Variants in CMTM8 observed in about 807,000 individuals in gnomAD.
The protein encoded by CMTM8 is CKLF-like MARVEL transmembrane domain-containing protein 8.
A neutral mutation model predicts 18.6 loss-of-function variants in CMTM8; 12 were observed. That is an observed-to-expected ratio of 0.65 (90% CI 0.41 to 1.05). The LOEUF (loss-of-function observed/expected upper bound fraction) is 1.05, where lower values mean the gene tolerates loss of function less well. Ranked by LOEUF, CMTM8 falls within the 50% of genes least tolerant of loss-of-function variation. The pLI is 0.00. For synonymous variants in CMTM8, 87 were observed against 90.6 expected (o/e 0.96, Z 0.23); for missense variants, 217 against 227.2 (o/e 0.95, Z 0.29).
chr3:32,319,665 T>C (rs1230084870), intron 1 of CMTM8, among the ~76,000 whole-genome samples: 1 of 152,232 alleles, frequency 6.6e-6, no homozygotes, highest in Non-Finnish European at 1.5e-5. Context: ...CCTGTGAACA[T>C]GTAATTAACA....
chr3:32,289,223 C>T (rs1702739185), intron 1 of CMTM8, among the ~76,000 whole-genome samples: 2 of 152,104 alleles, frequency 1.3e-5, no homozygotes, highest in Non-Finnish European at 2.9e-5. Context: ...TCAGAGATGC[C>T]CTAAATCTGA....
chr3:32,257,448 A>G (rs1339168714), intron 1 of CMTM8, among the ~76,000 whole-genome samples: 1 of 152,216 alleles, frequency 6.6e-6, no homozygotes, highest in Non-Finnish European at 1.5e-5. Context: ...ACTGTCTTCA[A>G]TATCTCCTAA....
At chr3:32,262,967 A>G (rs1212052930) in intron 1 of CMTM8, among the ~76,000 whole-genome samples, 3 of 151,538 alleles carry the variant, frequency 2.0e-5, no homozygotes, top group East Asian at 1.9e-4. Flanking sequence ...AAGAAAGCTT[A>G]AAAGCTATAT....
At position 32,325,433 on chromosome 3, in the gene CMTM8, G is replaced by A. The variant is rs80017681; in HGVS notation, c.148-31940G>A. Among the ~76,000 whole-genome samples, 404 of 152,304 alleles carry A rather than the reference G, an allele frequency of 2.7e-3. 1 individual carries two copies. Among genetic ancestry groups the A allele is most frequent in the African/African-American group, 9.4e-3 (392 of 41,550 alleles). On this transcript the variant is annotated intron_variant, in intron 1 of 3. Transcript: ENST00000307526. Reference sequence around the variant, plus strand: ...AATAATCACTTGCTCCTAGAGTAGGGGAGGGGACCTCTCTTTTTTTAAGAC... The same window carrying A: ...AATAATCACTTGCTCCTAGAGTAGGAGAGGGGACCTCTCTTTTTTTAAGAC...
chr3:32,317,448 T>C (rs1559378279), intron 1 of CMTM8, among the ~76,000 whole-genome samples: 1 of 152,084 alleles, frequency 6.6e-6, no homozygotes. Flanking sequence ...GGGAAGGAGG[T>C]AAATGGTCAT....
At chr3:32,321,688 C>G (rs1030460815) in intron 1 of CMTM8, among the ~76,000 whole-genome samples, 4 of 152,172 alleles carry the variant, frequency 2.6e-5, no homozygotes, top group African/African-American at 9.7e-5. Flanking sequence ...GCCCTGACTT[C>G]CCGGGCTCAA....
chr3:32,323,413 A>G (rs1321272594), intron 1 of CMTM8, among the ~76,000 whole-genome samples: 1 of 152,204 alleles, frequency 6.6e-6, no homozygotes, highest in Non-Finnish European at 1.5e-5. Context: ...GTTTTACTCC[A>G]TGTATAAAAA....
At chr3:32,364,098 C>A (rs1696985681) in intron 2 of CMTM8, among the ~76,000 whole-genome samples, 1 of 152,202 alleles carries the variant, frequency 6.6e-6, no homozygotes, top group Non-Finnish European at 1.5e-5. Flanking sequence ...GGGCCAGGTG[C>A]AGTGGCTCAT....
At chr3:32,367,117 C>T (rs1282693319) in intron 2 of CMTM8, among the ~76,000 whole-genome samples, 1 of 152,180 alleles carries the variant, frequency 6.6e-6, no homozygotes, top group East Asian at 1.9e-4. Flanking sequence ...AGGCATCCCC[C>T]TTCCTCCCCA....
intron 1 of CMTM8, among the ~76,000 whole-genome samples, chr3:32,287,207 C>T (rs1446978644): frequency 6.6e-6 from 1 of 152,174 alleles, no homozygotes; most frequent in East Asian, 1.9e-4. Flanking sequence ...TTTTATTGGG[C>T]ACCTTCTTAA....
chr3:32,293,077 G>GTGTGTGTGTGTATATA (rs148004069), intron 1 of CMTM8, among the ~76,000 whole-genome samples: 13 of 145,738 alleles, frequency 8.9e-5, no homozygotes, highest in Non-Finnish European at 2.0e-4. Flanking sequence ...ATATGTGTGT[G>GTGTGTGTGTGTATATA]TATATATATA....
chr3:32,281,114 G>A (rs1702602919), intron 1 of CMTM8, among the ~76,000 whole-genome samples: 1 of 152,150 alleles, frequency 6.6e-6, no homozygotes, highest in African/African-American at 2.4e-5. Flanking sequence ...TGATGCTCCT[G>A]TGTATGACTA....
At chr3:32,286,971 A>T (rs1366194576) in intron 1 of CMTM8, among the ~76,000 whole-genome samples, 1 of 152,202 alleles carries the variant, frequency 6.6e-6, no homozygotes, top group Non-Finnish European at 1.5e-5. Context: ...CTCGGCTCTG[A>T]GCGTGGGCAG....
chr3:32,253,811 C>T (rs1411484663), intron 1 of CMTM8, among the ~76,000 whole-genome samples: 1 of 152,214 alleles, frequency 6.6e-6, no homozygotes, highest in Non-Finnish European at 1.5e-5. Flanking sequence ...CTAATGACCT[C>T]AGACAATCCT....
chr3:32,276,136 T>G (rs1702513683), intron 1 of CMTM8, among the ~76,000 whole-genome samples: 1 of 152,134 alleles, frequency 6.6e-6, no homozygotes, highest in Non-Finnish European at 1.5e-5. Flanking sequence ...ACCGACCTCC[T>G]ATTCCATTCT....
At chr3:32,321,551 T>C (rs1696054756) in intron 1 of CMTM8, among the ~76,000 whole-genome samples, 2 of 151,874 alleles carry the variant, frequency 1.3e-5, no homozygotes, top group African/African-American at 4.8e-5. Flanking sequence ...AAATCAGGAG[T>C]TGGCAAACTA....
intron 1 of CMTM8, among the ~76,000 whole-genome samples, chr3:32,301,225 A>C (rs1165185519): frequency 6.6e-6 from 1 of 152,018 alleles, no homozygotes; most frequent in African/African-American, 2.4e-5. Flanking sequence ...TGCCCTACTT[A>C]GGTTTCTGTG....
intron 1 of CMTM8, among the ~76,000 whole-genome samples, chr3:32,339,961 T>C (rs1183104370): frequency 6.6e-6 from 1 of 151,938 alleles, no homozygotes; most frequent in Non-Finnish European, 1.5e-5. Context: ...AGACTCCATC[T>C]CAAAAAATAA....
chr3:32,369,989 AGG>A lies in CMTM8; in HGVS notation c.*23_*24del. The A allele has an allele frequency of 6.9e-7, 1 of 1,451,358 alleles. No individual in the cohort carries two copies. The highest frequency in any genetic ancestry group is 9.5e-7 in the Non-Finnish European group (1 of 1,049,332). 89.9% of individuals were successfully genotyped at this position (1,451,358 alleles called of 1,614,324 possible). A position where few individuals can be genotyped will look rare whatever the true frequency, so the allele number is the denominator to read the frequency against. On this transcript the variant is annotated 3_prime_UTR_variant, in exon 4 of 4. Transcript: ENST00000307526. ...GTGATTTACCATTTTGATAATTAAAAGGAAAAAAAAAGGAAGACTCTCACTGT... is the reference window on the plus strand; with the variant it reads ...GTGATTTACCATTTTGATAATTAAAAAAAAAAAAAGGAAGACTCTCACTGT...
Sources: allele counts gnomAD v4.1 joint callset (sites outside exome capture counted in the v4.1 genomes callset), GRCh38; gene constraint gnomAD v4.1.1; transcripts MANE v1.5; gene names NCBI Gene and HGNC (gene_info 2026-07-23, HGNC 2026-07-21).